UTY: variants seen among roughly 807,000 people sequenced by gnomAD.
The protein encoded by UTY is histone demethylase UTY.
UTY carries 12 observed loss-of-function variants against 32.5 expected under a neutral mutation model. The observed-to-expected ratio is 0.37, with a 90% confidence interval of 0.24 to 0.60. UTY has a LOEUF of 0.60. Among genes scored for constraint, UTY ranks in the 20% least tolerant of loss-of-function variants. The pLI is 0.69. For missense variants in UTY, 303 were observed against 299.2 expected, an observed-to-expected ratio of 1.01 and a Z score of -0.09; for synonymous variants, 131 against 103.4, an observed-to-expected ratio of 1.27 and a Z score of -1.62.
chrY:13,464,548 T>C (rs2077716233), intron 3 of UTY, among the ~76,000 whole-genome samples: 2 of 30,196 alleles, frequency 6.6e-5, no homozygotes, highest in Admixed American at 3.1e-4. Flanking sequence ...AAAGCAGGCG[T>C]ATCACTTGAG....
chrY:13,479,070 T>G, intron 2 of UTY, 184 bp downstream of exon 2: 1 of 136,764 alleles, frequency 7.3e-6, no homozygotes, highest in Non-Finnish European at 1.4e-5. Context: ...TTCCTCAGAG[T>G]AGAAGGGAGT....
At chrY:13,312,432 AG>A (rs2059232710) in intron 21 of UTY, among the ~76,000 whole-genome samples, 1 of 12,057 alleles carries the variant, frequency 8.3e-5, no homozygotes, top group Non-Finnish European at 1.3e-4. Context: ...TTCTGCTAGG[AG>A]AAAAAAAAAA....
At position 13,466,316 on chromosome Y, in the gene UTY, T is replaced by G. The variant is rs368509946; in HGVS notation, c.325+3805A>C. 9.1e-5 allele frequency among the ~76,000 whole-genome samples: 3 copies of G among 32,790 alleles called. No homozygotes were observed. In the East Asian group the frequency reaches 2.4e-3, roughly 26 times the overall value. The allele number at this position is 32,790 out of a possible 37,273, so 88.0% of individuals were successfully genotyped here. ...ACATCCTGCACATGTACCCCAGAAC[T>G]TAAAATAAAAGTTGAAGGAAAAAAA... On this transcript the variant is annotated intron_variant, in intron 3 of 29. Coordinates refer to ENST00000545955, the MANE Select transcript of UTY (RefSeq NM_001258249.2).
At position 13,248,828 on chromosome Y, in the gene UTY, GTAATACTTTATAA is replaced by G. The variant is rs2053989143; in HGVS notation, c.*1015_*1027del. ...TTTACTTTAAAAACAGCAAACTTCC[GTAATACTTTATAA>G]TAGGCACCTCAAAAACTACCATAGA... On this transcript the variant is annotated 3_prime_UTR_variant, in exon 30 of 30. Transcript: ENST00000545955. 2.6e-5 allele frequency: 1 copy of G among 38,471 alleles called. No homozygotes were observed. The highest frequency in any genetic ancestry group is 2.6e-4 in the Admixed American group (1 of 3,787). 9.6% of individuals were successfully genotyped at this position (38,471 alleles called of 400,897 possible). A position where few individuals can be genotyped will look rare whatever the true frequency, so the allele number is the denominator to read the frequency against.
At chrY:13,454,864 G>A (rs368684768) in intron 3 of UTY, among the ~76,000 whole-genome samples, 2 of 26,399 alleles carry the variant, frequency 7.6e-5, no homozygotes, top group Non-Finnish European at 1.7e-4. Flanking sequence ...CCGAACCCAA[G>A]TGGCCGAGGT....
intron 27 of UTY, among the ~76,000 whole-genome samples, chrY:13,294,146 C>G: frequency 3.0e-5 from 1 of 33,181 alleles, no homozygotes; most frequent in Admixed American, 2.7e-4. Context: ...AGACTTCCAA[C>G]AGCTAAAGTA....
At chrY:13,315,092 T>A (rs995208988) in intron 21 of UTY, among the ~76,000 whole-genome samples, 3 of 33,510 alleles carry the variant, frequency 9.0e-5, no homozygotes, top group Non-Finnish European at 2.2e-4. Context: ...TTACATCAAT[T>A]TTCAGAGCAG....
chrY:13,282,311 A>G (rs2057055778), intron 27 of UTY, among the ~76,000 whole-genome samples: 1 of 33,460 alleles, frequency 3.0e-5, no homozygotes, highest in Non-Finnish European at 7.4e-5. Flanking sequence ...GAGGGAAGAG[A>G]GAGAGACCCT....
At chrY:13,340,888 G>T in intron 17 of UTY, among the ~76,000 whole-genome samples, 2 of 33,623 alleles carry the variant, frequency 5.9e-5, no homozygotes, top group Non-Finnish European at 1.5e-4. Flanking sequence ...AGGCACAGGA[G>T]ATATCAGGCT....
At chrY:13,360,749 C>T (rs1035099178) in intron 10 of UTY, among the ~76,000 whole-genome samples, 1 of 32,981 alleles carries the variant, frequency 3.0e-5, no homozygotes, top group African/African-American at 1.2e-4. Flanking sequence ...AGAGCTAGTA[C>T]GTTATATTAA....
intron 26 of UTY, among the ~76,000 whole-genome samples, chrY:13,298,151 GAAAAAC>G: frequency 3.0e-5 from 1 of 33,266 alleles, no homozygotes; most frequent in Non-Finnish European, 7.4e-5. Context: ...AAGCCTGAGA[GAAAAAC>G]AAAAACAAAC....
chrY:13,262,212 G>A, intron 27 of UTY, among the ~76,000 whole-genome samples: 1 of 33,475 alleles, frequency 3.0e-5, no homozygotes, highest in Non-Finnish European at 7.4e-5. Flanking sequence ...CCATACACAA[G>A]ACATGGAATT....
Position 13,336,333 on chromosome Y carries a change from C to T in UTY, c.2064G>A (p.Gly688=). The T allele has an allele frequency of 2.6e-6, 1 of 391,557 alleles. No individual in the cohort carries two copies. The highest frequency in any genetic ancestry group is 3.6e-6 in the Non-Finnish European group (1 of 280,711). The change falls in exon 18 of 30, where the codon GGG becomes GGA. Residue 688 remains glycine (G), a splice_region_variant and synonymous_variant. Coordinates refer to ENST00000545955, the MANE Select transcript of UTY (RefSeq NM_001258249.2). The part of the protein sequence containing the change: ...WRKQLSNSAQ[G]LHKSQSSCLS... ...AACATGAACTCTGACTTTTATGAAG[C>T]CCCTAAAAAAAAAAAATTGAAATTT...
chrY:13,425,960 A>G, intron 4 of UTY, among the ~76,000 whole-genome samples: 1 of 33,615 alleles, frequency 3.0e-5, no homozygotes, highest in Non-Finnish European at 7.4e-5. Flanking sequence ...ATAAAGTCAC[A>G]ATGATTGCAG....
At chrY:13,319,498 C>G in intron 21 of UTY, among the ~76,000 whole-genome samples, 1 of 33,406 alleles carries the variant, frequency 3.0e-5, no homozygotes, top group Non-Finnish European at 7.4e-5. Context: ...AACTGCATTC[C>G]TGAGAAACAG....
intron 3 of UTY, among the ~76,000 whole-genome samples, chrY:13,450,562 C>T: frequency 8.9e-5 from 3 of 33,651 alleles, no homozygotes; most frequent in Admixed American, 2.7e-4. Context: ...CAGTTGCTCA[C>T]GCCTGTAATC....
At chrY:13,317,882 C>A in intron 21 of UTY, among the ~76,000 whole-genome samples, 1 of 32,207 alleles carries the variant, frequency 3.1e-5, no homozygotes, top group Admixed American at 2.9e-4. Context: ...CAAAGTAAGC[C>A]GGGCACGATG....
chrY:13,373,559 C>A, intron 8 of UTY, among the ~76,000 whole-genome samples: 1 of 32,967 alleles, frequency 3.0e-5, no homozygotes, highest in East Asian at 7.9e-4. Flanking sequence ...TTGAGGCCTG[C>A]GTGTGCCACA....
Position 13,305,386 on chromosome Y carries a change from T to A in UTY, c.3565+13A>T. Reference sequence around the variant, plus strand: ...TTTTCAATCATGTAAGATATGTTAGTCATTAAAATCACCTGGTGTCCGACT... The same window carrying A: ...TTTTCAATCATGTAAGATATGTTAGACATTAAAATCACCTGGTGTCCGACT... On this transcript the variant is annotated intron_variant, in intron 24 of 29. Transcript: ENST00000545955. The A allele has an allele frequency of 2.5e-6, 1 of 394,064 alleles. No homozygotes were observed. Among genetic ancestry groups the A allele is most frequent in the Non-Finnish European group, 3.6e-6 (1 of 280,478 alleles).
Sources: allele counts gnomAD v4.1 joint callset (sites outside exome capture counted in the v4.1 genomes callset), GRCh38; gene constraint gnomAD v4.1.1; transcripts MANE v1.5; gene names NCBI Gene and HGNC (gene_info 2026-07-23, HGNC 2026-07-21).